BRINP1: variants seen among roughly 807,000 people sequenced by gnomAD.
BRINP1 encodes the protein BMP/retinoic acid inducible neural specific 1, also known as BMP/retinoic acid-inducible neural-specific protein 1.
A neutral mutation model predicts 72.9 loss-of-function variants in BRINP1; 17 were observed. That is an observed-to-expected ratio of 0.23 (90% confidence interval 0.16 to 0.35). The LOEUF (loss-of-function observed/expected upper bound fraction) is 0.35, where lower values mean the gene tolerates loss of function less well. BRINP1 is among the 10% of genes least tolerant of loss of function. BRINP1 has a pLI of 1.00. For synonymous variants in BRINP1, 418 were observed against 378.5 expected (o/e 1.10, Z -1.21); for missense variants, 850 against 1,001.6 (o/e 0.85, Z 2.04).
chr9:119,188,163 T>C (rs906403939), intron 7 of BRINP1, among the ~76,000 whole-genome samples: 1 of 150,904 alleles, frequency 6.6e-6, no homozygotes, highest in African/African-American at 2.4e-5. Flanking sequence ...ATATAATTGT[T>C]AAACATTTCC....
At chr9:119,299,639 C>T (rs1830919974) in intron 2 of BRINP1, among the ~76,000 whole-genome samples, 2 of 150,440 alleles carry the variant, frequency 1.3e-5, no homozygotes, top group South Asian at 2.1e-4. Flanking sequence ...AAAGTGAGTA[C>T]ATGTGGTTAT....
chr9:119,213,425 A>G (rs2118876485), intron 6 of BRINP1, among the ~76,000 whole-genome samples: 1 of 152,328 alleles, frequency 6.6e-6, no homozygotes, highest in South Asian at 2.1e-4. Flanking sequence ...CAGAAAAGAG[A>G]CTTTGAGCTT....
Position 119,252,111 on chromosome 9 carries a change from G to A in BRINP1, c.219-2961C>T, listed in dbSNP as rs530504709. Among the ~76,000 whole-genome samples the A allele has an allele frequency of 9.2e-5, 14 of 151,900 alleles. No individual in the cohort carries two copies. The East Asian group carries it at 1.6e-3, about 17-fold the overall frequency. ...TTTTCTTCCTCCCTCCCTCTCACTC[G>A]CTGCCATGCTGTGAGATGCTCTATG... On this transcript the variant is annotated intron_variant, in intron 2 of 7. Coordinates refer to ENST00000265922, the MANE Select transcript of BRINP1 (RefSeq NM_014618.3).
Position 119,167,110 on chromosome 9 carries a change from C to T in BRINP1, c.2260G>A (p.Asp754Asn). 1 of 1,609,242 alleles carries T rather than the reference C, an allele frequency of 6.2e-7. No homozygotes were observed. The highest frequency in any genetic ancestry group is 8.5e-7 in the Non-Finnish European group (1 of 1,176,908). The change falls in exon 8 of 8, where the codon GAC becomes AAC. Residue 754 changes from aspartate (D) to asparagine (N), a missense_variant. Coordinates refer to ENST00000265922, the MANE Select transcript of BRINP1 (RefSeq NM_014618.3). The surrounding 1 kb of genome is among the most constrained non-coding windows in gnomAD (Gnocchi z 4.3). ...LYNTEILKQS[D>N]QMTAKLC Reference sequence around the variant, plus strand: ...TAGCAGAGTTTGGCTGTCATCTGGTCCGACTGTTTGAGGATCTCCGTGTTG... The same window carrying T: ...TAGCAGAGTTTGGCTGTCATCTGGTTCGACTGTTTGAGGATCTCCGTGTTG...
At chr9:119,257,918 G>C (rs558356549) in intron 2 of BRINP1, among the ~76,000 whole-genome samples, 1 of 152,168 alleles carries the variant, frequency 6.6e-6, no homozygotes, top group African/African-American at 2.4e-5. Flanking sequence ...AGGCAGCTGA[G>C]AAACAGCCAC....
chr9:119,225,371 C>T (rs1238514139), intron 5 of BRINP1, among the ~76,000 whole-genome samples: 2 of 151,900 alleles, frequency 1.3e-5, no homozygotes, highest in Non-Finnish European at 2.9e-5. Flanking sequence ...CACCCTCCCA[C>T]CACCCTCTGA....
intron 1 of BRINP1, among the ~76,000 whole-genome samples, chr9:119,323,566 T>C (rs1199274293): frequency 6.6e-6 from 1 of 152,074 alleles, no homozygotes; most frequent in African/African-American, 2.4e-5. Context: ...TTTTCCTACA[T>C]CAAAGGAATC....
intron 3 of BRINP1, among the ~76,000 whole-genome samples, chr9:119,242,879 T>C (rs1434113098): frequency 1.3e-5 from 2 of 152,182 alleles, no homozygotes; most frequent in Non-Finnish European, 2.9e-5. Context: ...TGACTTTTAA[T>C]TTGGGTAAAG....
intron 2 of BRINP1, among the ~76,000 whole-genome samples, chr9:119,258,674 G>A (rs974353617): frequency 3.3e-5 from 5 of 152,176 alleles, no homozygotes; most frequent in African/African-American, 1.2e-4. Context: ...GAGGGACTAG[G>A]AAATAAGTTC....
At chr9:119,365,565 C>T (rs1411830379) in intron 1 of BRINP1, among the ~76,000 whole-genome samples, 1 of 152,112 alleles carries the variant, frequency 6.6e-6, no homozygotes, top group Non-Finnish European at 1.5e-5. Context: ...GGTTGCAAAT[C>T]AAAAAATGTC....
intron 5 of BRINP1, among the ~76,000 whole-genome samples, chr9:119,225,154 TG>T (rs1349536065): frequency 2.6e-5 from 4 of 151,894 alleles, no homozygotes; most frequent in Admixed American, 2.0e-4. Context: ...GACCAATAAA[TG>T]AAAAACTAAA....
intron 6 of BRINP1, among the ~76,000 whole-genome samples, chr9:119,213,041 C>T (rs561360544): frequency 2.0e-5 from 3 of 152,196 alleles, no homozygotes; most frequent in Non-Finnish European, 4.4e-5. Context: ...CCTTAACCCA[C>T]ATCATGGTCA....
intron 5 of BRINP1, among the ~76,000 whole-genome samples, chr9:119,214,823 AAAG>A (rs915537682): frequency 6.6e-6 from 1 of 152,204 alleles, no homozygotes; most frequent in African/African-American, 2.4e-5. Flanking sequence ...CACTAGGTTA[AAAG>A]AAGAACAGGA....
At chr9:119,193,386 C>G (rs1405950232) in intron 7 of BRINP1, among the ~76,000 whole-genome samples, 1 of 151,936 alleles carries the variant, frequency 6.6e-6, no homozygotes, top group Non-Finnish European at 1.5e-5. Flanking sequence ...CTCAAATACA[C>G]AGAGACAGAG....
chr9:119,258,061 G>T (rs1270843946), intron 2 of BRINP1, among the ~76,000 whole-genome samples: 3 of 152,202 alleles, frequency 2.0e-5, no homozygotes, highest in African/African-American at 7.2e-5. Flanking sequence ...TACAAGTAAA[G>T]ATATCAACTT....
intron 1 of BRINP1, among the ~76,000 whole-genome samples, chr9:119,329,531 G>A (rs1020404421): frequency 4.6e-5 from 7 of 152,182 alleles, no homozygotes; most frequent in Non-Finnish European, 1.0e-4. Context: ...TCAGTGTTGA[G>A]ATTGAGCACT....
At chr9:119,187,572 C>G (rs1829637616) in intron 7 of BRINP1, among the ~76,000 whole-genome samples, 1 of 148,638 alleles carries the variant, frequency 6.7e-6, no homozygotes, top group Non-Finnish European at 1.5e-5. Context: ...ATGTCTTTTT[C>G]TATGAGAGCT....
chr9:119,222,615 A>ACAAGGAACTAGAAAAGG (rs146824274), intron 5 of BRINP1, among the ~76,000 whole-genome samples: 15,296 of 151,992 alleles, frequency 0.1, 954 homozygotes, highest in African/African-American at 0.17. Context: ...TAGAGAAAAG[A>ACAAGGAACTAGAAAAGG]CAAGGAACTA....
intron 2 of BRINP1, among the ~76,000 whole-genome samples, chr9:119,277,816 A>G (rs982070820): frequency 6.6e-6 from 1 of 152,194 alleles, no homozygotes; most frequent in Non-Finnish European, 1.5e-5. Flanking sequence ...GCATCTATGA[A>G]GAAGGAATTG....
Sources: allele counts gnomAD v4.1 joint callset (sites outside exome capture counted in the v4.1 genomes callset), GRCh38; gene constraint gnomAD v4.1.1; non-coding constraint Gnocchi (gnomAD v3.1); transcripts MANE v1.5; gene names NCBI Gene and HGNC (gene_info 2026-07-23, HGNC 2026-07-21).